Variants in RTN4IP1 observed in about 807,000 individuals in gnomAD.
The protein encoded by RTN4IP1 is reticulon 4 interacting protein 1, also known as NAD(P)H oxidoreductase RTN4IP1, mitochondrial.
Under a neutral mutation model 46.6 loss-of-function variants are expected in RTN4IP1, and 32 were observed. The observed-to-expected ratio is 0.69, with a 90% CI of 0.52 to 0.92. The LOEUF is 0.92. Ranked by LOEUF, RTN4IP1 falls within the 40% of genes least tolerant of loss-of-function variation. RTN4IP1 has a pLI of 0.00. For synonymous variants in RTN4IP1, 167 were observed against 161.8 expected, an observed-to-expected ratio of 1.03 and a Z score of -0.24; for missense variants, 424 against 485.8, an observed-to-expected ratio of 0.87 and a Z score of 1.20.
chr6:106,579,638 T>A (rs898583050), intron 8 of RTN4IP1, among the ~76,000 whole-genome samples: 1 of 152,058 alleles, frequency 6.6e-6, no homozygotes, highest in Non-Finnish European at 1.5e-5. Flanking sequence ...ATAAAGAAGG[T>A]AGAAGGACAA....
At chr6:106,610,517 A>C (rs17565019) in intron 4 of RTN4IP1, among the ~76,000 whole-genome samples, 39,876 of 152,078 alleles carry the variant, frequency 0.26, 5,960 homozygotes, top group South Asian at 0.35. Flanking sequence ...CCCTTCACTT[A>C]AGTCCTACAC....
intron 4 of RTN4IP1, among the ~76,000 whole-genome samples, chr6:106,614,248 C>A (rs527858569): frequency 6.6e-6 from 1 of 152,266 alleles, no homozygotes; most frequent in South Asian, 2.1e-4. Flanking sequence ...ATGACACGAA[C>A]AATAATGAGT....
intron 5 of RTN4IP1, among the ~76,000 whole-genome samples, chr6:106,602,555 T>C (rs1485199963): frequency 6.6e-6 from 1 of 152,070 alleles, no homozygotes; most frequent in Admixed American, 6.6e-5. Context: ...CTACGTCTGT[T>C]ATCAAGGACA....
In RTN4IP1 at chr6:106,592,186, C is replaced by T. The variant is rs541742206; in HGVS notation, c.784G>A (p.Glu262Lys). 1 of 1,614,066 alleles carries T rather than the reference C, an allele frequency of 6.2e-7. No homozygotes were observed. Among genetic ancestry groups the T allele is most frequent in the Non-Finnish European group, 8.5e-7 (1 of 1,179,990 alleles). Reference sequence around the variant, plus strand: ...TACGGTTTTAAGGATTTCAACTGCTCTTCCACACTTCCAGATTTGTAATCA... The same window carrying T: ...TACGGTTTTAAGGATTTCAACTGCTTTTCCACACTTCCAGATTTGTAATCA... The part of the protein sequence containing the change: ...VIDYKSGSVE[E>K]QLKSLKPFDF... Residue 262 changes from glutamate (E) to lysine (K), a missense_variant, in exon 6 of 9, where the codon GAG becomes AAG. Glu to Lys is a moderately conservative substitution (Grantham distance 56). Transcript: ENST00000369063.
chr6:106,615,622 G>A (rs1012862730), intron 4 of RTN4IP1, among the ~76,000 whole-genome samples: 35 of 151,880 alleles, frequency 2.3e-4, no homozygotes, highest in African/African-American at 6.3e-4. Context: ...CTACAGGCAC[G>A]CAACACTACA....
In RTN4IP1 at chr6:106,620,397, C is replaced by A. The variant is rs1364222137; in HGVS notation, c.495+1028G>T. On this transcript the variant is annotated intron_variant, in intron 3 of 8. Transcript: ENST00000369063. ...GGATTACAGGTGTGAGCCACTGCAC[C>A]CAGCCTTAGTTGGCTTTTTATGTTA... Among the ~76,000 whole-genome samples, 3 of 152,178 alleles carry A rather than the reference C, an allele frequency of 2.0e-5. No individual in the cohort carries two copies. In the East Asian group the frequency reaches 5.8e-4, roughly 29 times the overall value.
At chr6:106,581,200 A>T (rs1394505150) in intron 8 of RTN4IP1, among the ~76,000 whole-genome samples, 1 of 152,132 alleles carries the variant, frequency 6.6e-6, no homozygotes, top group Non-Finnish European at 1.5e-5. Flanking sequence ...TTCCATCTTT[A>T]GGGTTTTTGA....
At chr6:106,609,639 T>C (rs1338849773) in intron 4 of RTN4IP1, among the ~76,000 whole-genome samples, 1 of 152,232 alleles carries the variant, frequency 6.6e-6, no homozygotes, top group Non-Finnish European at 1.5e-5. Flanking sequence ...TTCAAGTTTC[T>C]TCCAGTAAAG....
At chr6:106,630,254 C>T (rs1038745463), upstream of RTN4IP1, among the ~76,000 whole-genome samples, 2 of 152,110 alleles carry the variant, frequency 1.3e-5, no homozygotes, top group African/African-American at 2.4e-5. Context: ...CTGGGCAGTT[C>T]TTCTAAATGT....
chr6:106,592,249 T>A lies in RTN4IP1; in HGVS notation c.721A>T (p.Ser241Cys). Residue 241 changes from serine to cysteine, a missense_variant, in exon 6 of 9, where the codon AGT becomes TGT. Transcript: ENST00000369063. ...GCACCAAGCTTCCTTACAAGTTCACTGGCATCTTGGGAGCAAACTGCTGTC... is the reference window on the plus strand; with the variant it reads ...GCACCAAGCTTCCTTACAAGTTCACAGGCATCTTGGGAGCAAACTGCTGTC... ...HVTAVCSQDA[S>C]ELVRKLGADD... is the part of the protein sequence containing the mutation. 3 of 1,614,118 alleles carry A rather than the reference T, an allele frequency of 1.9e-6. No homozygotes were observed. Among genetic ancestry groups the A allele is most frequent in the Non-Finnish European group, 2.5e-6 (3 of 1,179,980 alleles).
chr6:106,572,886 A>G lies in RTN4IP1; in HGVS notation c.1084-783T>C, dbSNP rs1299765968. ...CTAAGCCATTTTGTTTGCATCCCCC[A>G]CAACACCAGGCATAATGCTAGACAT... On this transcript the variant is annotated intron_variant, in intron 8 of 8. Transcript: ENST00000369063. Among the ~76,000 whole-genome samples, 3 of 152,160 alleles carry G rather than the reference A, an allele frequency of 2.0e-5. No individual in the cohort carries two copies. The East Asian group carries it at 5.8e-4, about 29-fold the overall frequency.
rs747627789 is a variant in RTN4IP1, at chr6:106,628,903, C to G, written c.119G>C (p.Ser40Thr). Reference sequence around the variant, plus strand: ...TATCACCCAAGCAGGCATGACAGTGCTCCTAGGAGAGGTAGTACTAATCCT... The same window carrying G: ...TATCACCCAAGCAGGCATGACAGTGGTCCTAGGAGAGGTAGTACTAATCCT... The part of the protein sequence containing the change: ...VRRISTTSPR[S>T]TVMPAWVIDK... Residue 40 changes from serine (S) to threonine (T), a missense_variant, in exon 1 of 9, where the codon AGC becomes ACC. Ser to Thr is a moderately conservative substitution (Grantham distance 58). Transcript: ENST00000369063. The G allele has an allele frequency of 6.2e-7, 1 of 1,614,142 alleles. No individual in the cohort carries two copies. The highest frequency in any genetic ancestry group is 2.2e-5 in the East Asian group (1 of 44,866).
intron 4 of RTN4IP1, among the ~76,000 whole-genome samples, chr6:106,613,783 G>A (rs574532356): frequency 6.6e-6 from 1 of 152,260 alleles, no homozygotes; most frequent in South Asian, 2.1e-4. Context: ...AACATTTACA[G>A]TCTATTCTCT....
intron 1 of RTN4IP1, among the ~76,000 whole-genome samples, chr6:106,627,838 C>T (rs1445405599): frequency 1.4e-4 from 20 of 138,082 alleles, no homozygotes; most frequent in African/African-American, 5.4e-4. Flanking sequence ...CTGCAACCTC[C>T]GCCTTCCGGA....
Position 106,583,396 on chromosome 6 carries a change from G to A in RTN4IP1, c.1015C>T (p.Arg339Cys), listed in dbSNP as rs190556786. Residue 339 changes from arginine to cysteine, a missense_variant, in exon 8 of 9, where the codon CGC becomes TGC. Arg to Cys is a radical substitution (Grantham distance 180). Transcript: ENST00000369063. ...CCACTGGCCATGAAAAATGCCCAGC[G>A]ATAATGGACTCCTTTCCAGAAATGC... The part of the protein sequence containing the change: ...LKHFWKGVHY[R>C]WAFFMASGPC... The A allele has an allele frequency of 4.8e-5, 78 of 1,613,154 alleles. No homozygotes were observed. The highest frequency in any genetic ancestry group is 4.7e-4 in the East Asian group (21 of 44,878).
At chr6:106,629,771 G>C, upstream of RTN4IP1, 1 of 1,557,732 alleles carries the variant, frequency 6.4e-7, no homozygotes, top group East Asian at 2.4e-5. Context: ...CGTTGACAAA[G>C]AGTCCCTGGG....
At position 106,581,823 on chromosome 6, in the gene RTN4IP1, G is replaced by A. The variant is rs1038226023; in HGVS notation, c.1083+1505C>T. ...GAGTCACAATATTTTGAATACAAAA[G>A]AGCAGTGGTAAGCATGTGGACAGCC... On this transcript the variant is annotated intron_variant, in intron 8 of 8. Transcript: ENST00000369063. Among the ~76,000 whole-genome samples, 4 of 152,218 alleles carry A rather than the reference G, an allele frequency of 2.6e-5. No homozygotes were observed. The South Asian group carries it at 6.2e-4, about 24-fold the overall frequency.
chr6:106,573,930 A>C lies in RTN4IP1; in HGVS notation c.1084-1827T>G, dbSNP rs113636198. On this transcript the variant is annotated intron_variant, in intron 8 of 8. Transcript: ENST00000369063. Reference sequence around the variant, plus strand: ...GCCACCAAGATGACAGATGTGTGCTACACGGGTGCCATCCACGCCTATGGA... The same window carrying C: ...GCCACCAAGATGACAGATGTGTGCTCCACGGGTGCCATCCACGCCTATGGA... Among the ~76,000 whole-genome samples, 575 of 152,318 alleles carry C rather than the reference A, an allele frequency of 3.8e-3. 5 individuals carry two copies. Among genetic ancestry groups the C allele is most frequent in the African/African-American group, 0.013 (560 of 41,566 alleles).
chr6:106,604,830 T>G (rs1463254882), intron 4 of RTN4IP1, among the ~76,000 whole-genome samples: 1 of 152,204 alleles, frequency 6.6e-6, no homozygotes, highest in African/African-American at 2.4e-5. Context: ...TCTTTGAGGT[T>G]TGTACCTTGT....
Sources: gnomAD v4.1 joint callset for allele counts (sites outside exome capture counted in the v4.1 genomes callset) on GRCh38, gnomAD v4.1.1 for gene constraint, MANE v1.5 for transcripts, NCBI Gene and HGNC (gene_info 2026-07-23, HGNC 2026-07-21) for gene names.